RBMS3: variants seen among roughly 807,000 people sequenced by gnomAD.
RBMS3 encodes the protein RNA binding motif single stranded interacting protein 3, also known as RNA-binding motif, single-stranded-interacting protein 3.
A neutral mutation model predicts 66.8 loss-of-function variants in RBMS3; 27 were observed. The ratio of observed to expected loss-of-function variants is 0.40; its 90% confidence interval spans 0.30 to 0.56. The LOEUF is 0.56. Among genes scored for constraint, RBMS3 ranks in the 20% least tolerant of loss-of-function variants. The pLI, the probability that RBMS3 is intolerant of heterozygous loss-of-function variation, is 0.40. For missense variants in RBMS3, 513 were observed against 549.5 expected (o/e 0.93, Z 0.66); for synonymous variants, 188 against 183.0 (o/e 1.03, Z -0.22).
chr3:29,933,761 A>C (rs1207245583), intron 10 of RBMS3: 1 of 152,116 alleles, frequency 6.6e-6, no homozygotes, highest in Non-Finnish European at 1.5e-5. Context: ...TGCTATTTAC[A>C]ATTCCAATTA....
chr3:29,472,473 G>A lies in RBMS3; in HGVS notation c.249-15968G>A, dbSNP rs575982510. The stretch of plus-strand genomic sequence containing the variant: ...GGCCTCCCACAGTGCTAGTGTGTCC[G>A]GAATTGGTGGGTTCTTGGTCTCACT... On this transcript the variant is annotated intron_variant, in intron 2 of 14. Coordinates refer to ENST00000383767, the MANE Select transcript of RBMS3 (RefSeq NM_001003793.3). Among the ~76,000 whole-genome samples the A allele has an allele frequency of 9.9e-5, 15 of 152,282 alleles. 1 individual carries two copies. In the South Asian group the frequency reaches 2.7e-3, roughly 27 times the overall value.
At position 29,722,073 on chromosome 3, in the gene RBMS3, T is replaced by C. The variant is rs2053665607; in HGVS notation, c.400-17647T>C. Among the ~76,000 whole-genome samples the C allele has an allele frequency of 2.0e-5, 3 of 152,330 alleles. No individual in the cohort carries two copies. In the South Asian group the frequency reaches 6.2e-4, roughly 32 times the overall value. The stretch of plus-strand genomic sequence containing the variant: ...CTGTCTCAAGGGAGGGCAGTTTGAA[T>C]GCAAGACACAAAATATACACTGTCT... On this transcript the variant is annotated intron_variant, in intron 4 of 14. Transcript: ENST00000383767.
At chr3:29,764,270 C>T (rs2055830925) in intron 6 of RBMS3, among the ~76,000 whole-genome samples, 1 of 151,990 alleles carries the variant, frequency 6.6e-6, no homozygotes, top group South Asian at 2.1e-4. Context: ...TGTAACGTTC[C>T]CTTGGGAACT....
intron 1 of RBMS3, among the ~76,000 whole-genome samples, chr3:29,385,937 T>C (rs1253476729): frequency 6.6e-6 from 1 of 152,210 alleles, no homozygotes; most frequent in Non-Finnish European, 1.5e-5. Context: ...ATTTTTTCTT[T>C]GTTGCTCATT....
intron 3 of RBMS3, among the ~76,000 whole-genome samples, chr3:29,583,908 C>T (rs1268951484): frequency 6.6e-6 from 1 of 152,100 alleles, no homozygotes; most frequent in African/African-American, 2.4e-5. Flanking sequence ...GACACACACA[C>T]ACACACAGAC....
At chr3:29,530,502 G>A (rs900115654) in intron 3 of RBMS3, among the ~76,000 whole-genome samples, 2 of 152,040 alleles carry the variant, frequency 1.3e-5, no homozygotes, top group African/African-American at 4.8e-5. Flanking sequence ...TGTTTTGATA[G>A]CACGTATGTA....
chr3:29,491,296 A>G (rs1022197362), intron 3 of RBMS3, among the ~76,000 whole-genome samples: 1 of 152,168 alleles, frequency 6.6e-6, no homozygotes, highest in African/African-American at 2.4e-5. Flanking sequence ...CTGTTTCTGT[A>G]GAGAGATTCC....
At chr3:29,792,851 A>T (rs567547601) in intron 6 of RBMS3, among the ~76,000 whole-genome samples, 1 of 152,370 alleles carries the variant, frequency 6.6e-6, no homozygotes, top group South Asian at 2.1e-4. Context: ...CAAAGCAATA[A>T]AGAAAAATAG....
chr3:29,551,916 C>G (rs35894), intron 3 of RBMS3, among the ~76,000 whole-genome samples: 81,471 of 151,732 alleles, frequency 0.54, 22,499 homozygotes, highest in Middle Eastern at 0.65. Flanking sequence ...CCCTGCTGCA[C>G]ACGCAGTACC....
In RBMS3 at chr3:29,341,182, G is replaced by A. The variant is rs2036260825; in HGVS notation, c.75+59426G>A. On this transcript the variant is annotated intron_variant, in intron 1 of 14. Coordinates refer to ENST00000383767, the MANE Select transcript of RBMS3 (RefSeq NM_001003793.3). ...ATACATAAAATGCTGTTATACGTATGCAGATATAAATAAATGAAATCTTAA... is the reference window on the plus strand; with the variant it reads ...ATACATAAAATGCTGTTATACGTATACAGATATAAATAAATGAAATCTTAA... 2.0e-5 allele frequency among the ~76,000 whole-genome samples: 3 copies of A among 152,056 alleles called. No individual in the cohort carries two copies. The South Asian group carries it at 6.2e-4, about 31-fold the overall frequency.
chr3:29,525,198 C>T (rs995444029), intron 3 of RBMS3, among the ~76,000 whole-genome samples: 2 of 152,056 alleles, frequency 1.3e-5, no homozygotes, highest in African/African-American at 4.8e-5. Context: ...GAAATTCATG[C>T]CCCTCTCTTG....
intron 2 of RBMS3, among the ~76,000 whole-genome samples, chr3:29,457,344 C>T (rs1337782910): frequency 1.3e-5 from 2 of 152,192 alleles, no homozygotes; most frequent in Admixed American, 6.5e-5. Context: ...AAAGGCCCAT[C>T]AATCTGTTCT....
intron 3 of RBMS3, among the ~76,000 whole-genome samples, chr3:29,547,492 C>T (rs1288893738): frequency 6.6e-6 from 1 of 151,912 alleles, no homozygotes; most frequent in African/African-American, 2.4e-5. Context: ...CCCCCCGCCC[C>T]ACCATTATTA....
intron 1 of RBMS3, among the ~76,000 whole-genome samples, chr3:29,359,285 T>A (rs1200528306): frequency 6.6e-6 from 1 of 152,234 alleles, no homozygotes; most frequent in Non-Finnish European, 1.5e-5. Flanking sequence ...AAAGGCCTTT[T>A]CTGCATCTGC....
intron 6 of RBMS3, among the ~76,000 whole-genome samples, chr3:29,818,439 G>A (rs6790352): frequency 0.13 from 19,760 of 150,118 alleles, 1,385 homozygotes; most frequent in Non-Finnish European, 0.16. Flanking sequence ...TTTAGTTGTC[G>A]TTTGATATTG....
intron 4 of RBMS3, among the ~76,000 whole-genome samples, chr3:29,610,728 A>G (rs2048464193): frequency 6.6e-6 from 1 of 152,096 alleles, no homozygotes; most frequent in Non-Finnish European, 1.5e-5. Flanking sequence ...TTCCTAGAAA[A>G]CACTCGCTGG....
chr3:29,322,752 A>G (rs1050634160), intron 1 of RBMS3, among the ~76,000 whole-genome samples: 2 of 152,094 alleles, frequency 1.3e-5, no homozygotes, highest in Non-Finnish European at 2.9e-5. Context: ...TGGGCTTTAG[A>G]AGGTATTTAA....
At chr3:29,998,314 C>G (rs935014992) in intron 14 of RBMS3, among the ~76,000 whole-genome samples, 7 of 152,132 alleles carry the variant, frequency 4.6e-5, no homozygotes, top group African/African-American at 9.7e-5. Context: ...TAGGAAGAAT[C>G]AATATCGTGA....
At chr3:29,453,278 G>A (rs2042072926) in intron 2 of RBMS3, among the ~76,000 whole-genome samples, 1 of 152,178 alleles carries the variant, frequency 6.6e-6, no homozygotes, top group African/African-American at 2.4e-5. Flanking sequence ...AGAAAACTGG[G>A]ACTTAGGGCT....
Sources: gnomAD v4.1 joint callset for allele counts (sites outside exome capture counted in the v4.1 genomes callset) on GRCh38, gnomAD v4.1.1 for gene constraint, MANE v1.5 for transcripts, NCBI Gene and HGNC (gene_info 2026-07-23, HGNC 2026-07-21) for gene names.